GALK2: variants seen among roughly 807,000 people sequenced by gnomAD.
The protein encoded by GALK2 is N-acetylgalactosamine kinase.
Under a neutral mutation model 52.4 loss-of-function variants are expected in GALK2, and 36 were observed. The ratio of observed to expected loss-of-function variants is 0.69; its 90% CI spans 0.53 to 0.91. GALK2 has a LOEUF of 0.91. Ranked by LOEUF, GALK2 falls within the 40% of genes least tolerant of loss-of-function variation. The pLI is 0.00. For synonymous variants in GALK2, 176 were observed against 199.1 expected, an observed-to-expected ratio of 0.88 and a Z score of 0.98; for missense variants, 579 against 559.1, an observed-to-expected ratio of 1.04 and a Z score of -0.36.
At chr15:49,336,447 G>T (rs1266234149), downstream of GALK2, among the ~76,000 whole-genome samples, 3 of 152,314 alleles carry the variant, frequency 2.0e-5, no homozygotes, top group East Asian at 5.8e-4. Flanking sequence ...CTTAGCCTCA[G>T]TGTTACACTA....
chr15:49,162,097 A>G (rs551599751), intron 1 of GALK2, among the ~76,000 whole-genome samples: 28 of 152,346 alleles, frequency 1.8e-4, no homozygotes, highest in Non-Finnish European at 3.8e-4. Flanking sequence ...TGAACATATT[A>G]TCACTGCAAA....
In GALK2 at chr15:49,319,819, G is replaced by A; in HGVS notation, c.1169+14G>A. ...GGACATCTGTCGGTGAGGCAGCCTG[G>A]TGGGGGCCAAGGGATGCCATCAAAT... On this transcript the variant is annotated intron_variant, in intron 9 of 9. Transcript: ENST00000560031. The A allele has an allele frequency of 6.2e-7, 1 of 1,610,088 alleles. No homozygotes were observed. The highest frequency in any genetic ancestry group is 8.5e-7 in the Non-Finnish European group (1 of 1,177,628).
At chr15:49,192,858 T>C (rs896920974) in intron 1 of GALK2, among the ~76,000 whole-genome samples, 24 of 152,082 alleles carry the variant, frequency 1.6e-4, no homozygotes, top group Admixed American at 3.3e-4. Context: ...CTATGTGGCC[T>C]AAGCTAGTCT....
intron 8 of GALK2, among the ~76,000 whole-genome samples, chr15:49,308,964 G>A (rs531731194): frequency 1.3e-5 from 2 of 152,172 alleles, no homozygotes; most frequent in Non-Finnish European, 2.9e-5. Context: ...TGATGGAGAA[G>A]GTCTTGCATT....
At chr15:49,322,417 A>G (rs939889468) in intron 9 of GALK2, among the ~76,000 whole-genome samples, 4 of 152,160 alleles carry the variant, frequency 2.6e-5, no homozygotes, top group African/African-American at 7.2e-5. Flanking sequence ...TGGTCCTTAA[A>G]GCTTCTTATA....
chr15:49,354,011 A>G (rs1439011259), intron 3 of GALK2: 1 of 152,228 alleles, frequency 6.6e-6, no homozygotes, highest in African/African-American at 2.4e-5. Flanking sequence ...TAATGGTAAA[A>G]AGAATACAGA....
intron 8 of GALK2, among the ~76,000 whole-genome samples, chr15:49,299,743 C>CTTTCTTTCTTTCTTTCTTTCTTTCTTTTT (rs2034859297): frequency 9.3e-6 from 1 of 107,760 alleles, no homozygotes; most frequent in African/African-American, 3.7e-5. Context: ...TCTTTTCTTT[C>CTTTCTTTCTTTCTTTCTTTCTTTCTTTTT]TTTCTTTCTT....
intron 3 of GALK2, among the ~76,000 whole-genome samples, chr15:49,342,748 G>A (rs2040928239): frequency 6.6e-6 from 1 of 152,104 alleles, no homozygotes; most frequent in Non-Finnish European, 1.5e-5. Context: ...CTTAGTGCTT[G>A]CGTGTCTGGA....
At chr15:49,278,974 G>T (rs1460827293) in intron 5 of GALK2, among the ~76,000 whole-genome samples, 3 of 152,224 alleles carry the variant, frequency 2.0e-5, no homozygotes, top group Non-Finnish European at 4.4e-5. Flanking sequence ...AGTGCAGGCA[G>T]GGGAAATGCC....
chr15:49,204,116 A>AG (rs1445452766), intron 2 of GALK2, among the ~76,000 whole-genome samples: 1 of 151,836 alleles, frequency 6.6e-6, no homozygotes. Flanking sequence ...AAAAAAAAAA[A>AG]AAAAGAAAAT....
intron 9 of GALK2, among the ~76,000 whole-genome samples, chr15:49,320,788 AT>A (rs1182823696): frequency 6.6e-6 from 1 of 152,208 alleles, no homozygotes; most frequent in Non-Finnish European, 1.5e-5. Flanking sequence ...AGCTTGTTTC[AT>A]TTTAAGTACC....
chr15:49,279,447 T>C (rs745749539), intron 5 of GALK2, among the ~76,000 whole-genome samples: 1 of 152,226 alleles, frequency 6.6e-6, no homozygotes. Context: ...TTGCAGGGAC[T>C]GGTTGAAGTC....
chr15:49,360,489 T>TA lies in GALK2; in HGVS notation c.427-6995dup, dbSNP rs572395413. On this transcript the variant is annotated intron_variant, in intron 3 of 3. Coordinates refer to the GALK2 transcript ENST00000558399. ...TTTAAATAATTTGCATTTTGCATGT[T>TA]AAAAAAATTATTAAATTTTTGGGTA... Among the ~76,000 whole-genome samples, 8 of 152,298 alleles carry TA rather than the reference T, an allele frequency of 5.3e-5. No homozygotes were observed. The East Asian group carries it at 1.4e-3, about 26-fold the overall frequency.
At chr15:49,323,451 C>T (rs957233418) in intron 9 of GALK2, among the ~76,000 whole-genome samples, 1 of 152,148 alleles carries the variant, frequency 6.6e-6, no homozygotes, top group African/African-American at 2.4e-5. Context: ...AGGAGGAGCA[C>T]TGCCAAAAAT....
At chr15:49,310,620 C>T (rs1405662233) in intron 8 of GALK2, among the ~76,000 whole-genome samples, 1 of 152,126 alleles carries the variant, frequency 6.6e-6, no homozygotes, top group African/African-American at 2.4e-5. Flanking sequence ...TTTTGATTTG[C>T]ATTTCCCTGA....
In GALK2 at chr15:49,329,244, T is replaced by C; in HGVS notation, c.*1085T>C. 1.0e-6 allele frequency: 1 copy of C among 985,604 alleles called. No homozygotes were observed. The highest frequency in any genetic ancestry group is 1.2e-6 in the Non-Finnish European group (1 of 830,054). The allele number at this position is 985,604 out of a possible 1,614,324, so 61.1% of individuals were successfully genotyped here. A position where few individuals can be genotyped will look rare whatever the true frequency, so the allele number is the denominator to read the frequency against. On this transcript the variant is annotated 3_prime_UTR_variant, in exon 10 of 10. Coordinates refer to ENST00000560031, the MANE Select transcript of GALK2 (RefSeq NM_002044.4). ...ATTGATGGGTATCTCTGTATGTATA[T>C]CAAGAGTGGGCAGAAATGTTTGGCT... is the stretch of plus-strand genomic sequence containing the variant.
intron 1 of GALK2, chr15:49,185,558 A>G (rs1316693493): frequency 6.6e-6 from 1 of 152,160 alleles, no homozygotes; most frequent in Non-Finnish European, 1.5e-5. Flanking sequence ...AACTCCAGAC[A>G]CTGGCTAATT....
chr15:49,299,852 A>G (rs1455720478), intron 8 of GALK2, among the ~76,000 whole-genome samples: 1 of 148,612 alleles, frequency 6.7e-6, no homozygotes. Flanking sequence ...GTTGAGAATT[A>G]CTTTATGGCT....
At chr15:49,320,596 C>T (rs955194176) in intron 9 of GALK2, among the ~76,000 whole-genome samples, 1 of 152,206 alleles carries the variant, frequency 6.6e-6, no homozygotes, top group Non-Finnish European at 1.5e-5. Flanking sequence ...ATGTAATTAA[C>T]CACTTGGCAC....
Sources: allele counts gnomAD v4.1 joint callset (sites outside exome capture counted in the v4.1 genomes callset), GRCh38; gene constraint gnomAD v4.1.1; transcripts MANE v1.5; gene names NCBI Gene and HGNC (gene_info 2026-07-23, HGNC 2026-07-21).